Variants in SRGAP1 observed in about 807,000 individuals in gnomAD.
SRGAP1 encodes the protein SLIT-ROBO Rho GTPase-activating protein 1.
In SRGAP1, 43 loss-of-function variants were observed where a neutral mutation model predicts 121.9. The observed-to-expected ratio is 0.35, with a 90% CI of 0.28 to 0.46. SRGAP1 has a LOEUF of 0.46. Among genes scored for constraint, SRGAP1 ranks in the 20% least tolerant of loss-of-function variants. The probability of loss-of-function intolerance (pLI) is 1.00; values close to 1 mark genes in which losing one functional copy is unlikely to be tolerated. For synonymous variants in SRGAP1, 447 were observed against 485.4 expected (o/e 0.92, Z 1.04); for missense variants, 1,102 against 1,350.9 (o/e 0.82, Z 2.89).
At position 63,986,233 on chromosome 12, in the gene SRGAP1, A is replaced by G. The variant is rs575640369; in HGVS notation, c.263+2091A>G. The stretch of plus-strand genomic sequence containing the variant: ...CCGACACACACAATCTCTCAACTTT[A>G]ACCTTTACTGTTGGTCCAGCATAAA... On this transcript the variant is annotated intron_variant, in intron 2 of 21. Coordinates refer to ENST00000355086, the MANE Select transcript of SRGAP1 (RefSeq NM_020762.4). 2.1e-3 allele frequency among the ~76,000 whole-genome samples: 314 copies of G among 148,284 alleles called. 2 individuals carry two copies. Among genetic ancestry groups the G allele is most frequent in the African/African-American group, 7.5e-3 (299 of 40,046 alleles).
intron 16 of SRGAP1, among the ~76,000 whole-genome samples, chr12:64,110,350 T>A (rs1280104313): frequency 6.6e-6 from 1 of 152,172 alleles, no homozygotes; most frequent in African/African-American, 2.4e-5. Flanking sequence ...AACCTGAACC[T>A]AACTCATCAT....
At chr12:64,005,208 T>G (rs1289942925) in intron 3 of SRGAP1, among the ~76,000 whole-genome samples, 2 of 152,220 alleles carry the variant, frequency 1.3e-5, no homozygotes, top group East Asian at 3.8e-4. Context: ...AGTGGATGTA[T>G]GAACTATTTA....
At position 63,871,115 on chromosome 12, in the gene SRGAP1, G is replaced by A. The variant is rs538470370; in HGVS notation, c.67+26232G>A. ...GGACCACACTTTGGGAACTACTGCC[G>A]TAAAAATCAAGCGATTTTATAACTT... On this transcript the variant is annotated intron_variant, in intron 1 of 21. Coordinates refer to ENST00000355086, the MANE Select transcript of SRGAP1 (RefSeq NM_020762.4). Among the ~76,000 whole-genome samples the A allele has an allele frequency of 1.3e-4, 20 of 152,206 alleles. No homozygotes were observed. In the East Asian group the frequency reaches 2.7e-3, roughly 21 times the overall value.
intron 6 of SRGAP1, among the ~76,000 whole-genome samples, chr12:64,059,195 T>G (rs770217565): frequency 6.6e-6 from 1 of 152,272 alleles, no homozygotes; most frequent in East Asian, 1.9e-4. Context: ...CTGACTGCAC[T>G]GGGTATGGAA....
rs1237596622 is a variant in SRGAP1, at chr12:63,936,389, T to C, written c.68-47558T>C. On this transcript the variant is annotated intron_variant, in intron 1 of 21. Transcript: ENST00000355086. ...CCCCAATTTTCTTCAGTTAGGATAG[T>C]TCCTTTCCAGTTATCAGAAATTGGC... 3.9e-5 allele frequency among the ~76,000 whole-genome samples: 6 copies of C among 152,330 alleles called. No individual in the cohort carries two copies. The South Asian group carries it at 1.2e-3, about 32-fold the overall frequency.
chr12:63,879,507 G>A (rs1565932546), intron 1 of SRGAP1: 1 of 152,028 alleles, frequency 6.6e-6, no homozygotes, highest in East Asian at 1.9e-4. Flanking sequence ...CACATACAAA[G>A]CCCCCATTTT....
chr12:63,959,746 T>C (rs2032584131), intron 1 of SRGAP1, among the ~76,000 whole-genome samples: 1 of 152,220 alleles, frequency 6.6e-6, no homozygotes, highest in Non-Finnish European at 1.5e-5. Flanking sequence ...TACTTAACCC[T>C]TACAACAACC....
At chr12:64,094,883 C>G (rs1156948654) in intron 12 of SRGAP1, 49 bp from the exon 13 acceptor site, 1 of 1,509,520 alleles carries the variant, frequency 6.6e-7, no homozygotes, top group Admixed American at 1.7e-5. Flanking sequence ...TATTATGAGG[C>G]ATTTATACCT....
intron 8 of SRGAP1, among the ~76,000 whole-genome samples, chr12:64,069,221 C>T (rs2035597149): frequency 6.6e-6 from 1 of 152,028 alleles, no homozygotes; most frequent in Admixed American, 6.6e-5. Context: ...TTGCCTGGCC[C>T]TTAAAGATAT....
At chr12:64,115,321 A>G (rs2036499740) in intron 17 of SRGAP1, among the ~76,000 whole-genome samples, 2 of 152,252 alleles carry the variant, frequency 1.3e-5, no homozygotes, top group Non-Finnish European at 2.9e-5. Context: ...TAACCTAGTC[A>G]AAGATGAATG....
chr12:63,898,072 A>G (rs1900812969), intron 1 of SRGAP1, among the ~76,000 whole-genome samples: 1 of 152,226 alleles, frequency 6.6e-6, no homozygotes, highest in Non-Finnish European at 1.5e-5. Context: ...TTATCTAACC[A>G]GTTTATCCTG....
chr12:64,065,067 G>A, intron 7 of SRGAP1, 51 bp from the exon 8 acceptor site: 1 of 1,353,182 alleles, frequency 7.4e-7, no homozygotes, highest in Middle Eastern at 1.8e-4. Flanking sequence ...CCGTGCTTCT[G>A]GAGGTGGGTT....
chr12:63,908,169 T>G (rs2030310435), intron 1 of SRGAP1, among the ~76,000 whole-genome samples: 1 of 152,048 alleles, frequency 6.6e-6, no homozygotes, highest in African/African-American at 2.4e-5. Context: ...TTTCAAGATT[T>G]TTTTTTTTTG....
In SRGAP1 at chr12:63,851,575, TTTTC is replaced by T. The variant is rs200974709; in HGVS notation, c.67+6708_67+6711del. Among the ~76,000 whole-genome samples, 162 of 151,498 alleles carry T rather than the reference TTTTC, an allele frequency of 1.1e-3. 2 individuals are homozygous for T. The South Asian group carries it at 0.013, about 12-fold the overall frequency. ...TAGTAGTACTTACCTTGTTGTCTTC[TTTTC>T]TTTCTTTCTTTCTTTTTTTTTTTTT... On this transcript the variant is annotated intron_variant, in intron 1 of 21. Transcript: ENST00000355086.
At chr12:64,128,887 G>A (rs913684548) in intron 21 of SRGAP1, among the ~76,000 whole-genome samples, 2 of 152,084 alleles carry the variant, frequency 1.3e-5, no homozygotes, top group Non-Finnish European at 2.9e-5. Context: ...CCAAGTAAAA[G>A]GGAAACAATA....
chr12:64,127,745 A>G, intron 20 of SRGAP1, 21 bp downstream of exon 20: 2 of 1,613,140 alleles, frequency 1.2e-6, no homozygotes, highest in Non-Finnish European at 1.7e-6. Flanking sequence ...CCTGGGAATC[A>G]GGCCCCTAAG....
chr12:63,891,074 C>T (rs982369878), intron 1 of SRGAP1, among the ~76,000 whole-genome samples: 2 of 152,190 alleles, frequency 1.3e-5, no homozygotes, highest in Non-Finnish European at 2.9e-5. Flanking sequence ...CTTCAGGGGT[C>T]TGGCCACCTG....
At chr12:63,905,924 A>C (rs2030182481) in intron 1 of SRGAP1, among the ~76,000 whole-genome samples, 1 of 152,192 alleles carries the variant, frequency 6.6e-6, no homozygotes, top group African/African-American at 2.4e-5. Flanking sequence ...CCTTGAAAAA[A>C]CAGAATAAGC....
chr12:64,105,777 C>G (rs1565683221), intron 15 of SRGAP1, among the ~76,000 whole-genome samples: 1 of 151,636 alleles, frequency 6.6e-6, no homozygotes, highest in African/African-American at 2.4e-5. Context: ...GAGTAAGACT[C>G]TGTCTCAAAA....
Sources: allele counts gnomAD v4.1 joint callset (sites outside exome capture counted in the v4.1 genomes callset), GRCh38; gene constraint gnomAD v4.1.1; transcripts MANE v1.5; gene names NCBI Gene and HGNC (gene_info 2026-07-23, HGNC 2026-07-21).